PTGER4: variants seen among roughly 807,000 people sequenced by gnomAD.
PTGER4 encodes prostaglandin E2 receptor EP4 subtype.
A neutral mutation model predicts 33.2 loss-of-function variants in PTGER4; 11 were observed. The ratio of observed to expected loss-of-function variants is 0.33; its 90% confidence interval spans 0.21 to 0.55. PTGER4 has a LOEUF of 0.55. Among genes scored for constraint, PTGER4 ranks in the 20% least tolerant of loss-of-function variants. PTGER4 has a pLI of 0.92. For synonymous variants in PTGER4, 275 were observed against 281.5 expected (o/e 0.98, Z 0.23); for missense variants, 481 against 650.2 (o/e 0.74, Z 2.83).
In PTGER4 at chr5:40,681,521, C is replaced by T. The variant is rs1741187734; in HGVS notation, c.528C>T (p.Thr176=). Residue 176 remains threonine (T), a synonymous_variant, in exon 2 of 3, where the codon ACC becomes ACT. Coordinates refer to ENST00000302472, the MANE Select transcript of PTGER4 (RefSeq NM_000958.3). The surrounding 1 kb of genome is among the most constrained non-coding windows in gnomAD (Gnocchi z 9.8). ...CCTGGTGCTTCATCGACTGGACCACCAACGTGACGGCGCACGCCGCCTACT... is the reference window on the plus strand; with the variant it reads ...CCTGGTGCTTCATCGACTGGACCACTAACGTGACGGCGCACGCCGCCTACT... ...PDTWCFIDWT[T]NVTAHAAYSY... The T allele has an allele frequency of 6.2e-7, 1 of 1,613,076 alleles. No homozygotes were observed. The highest frequency in any genetic ancestry group is 8.5e-7 in the Non-Finnish European group (1 of 1,180,028).
the PTGER4 span, among the ~76,000 whole-genome samples, chr5:40,742,898 A>T: frequency 6.6e-6 from 1 of 152,208 alleles, no homozygotes; most frequent in African/African-American, 2.4e-5. Flanking sequence ...CTAGCTTATA[A>T]AAACGTTTTT....
chr5:40,681,721 C>A lies in PTGER4; in HGVS notation c.728C>A (p.Ala243Asp), dbSNP rs771321745. The change falls in exon 2 of 3, where the codon GCT (alanine) becomes GAT (aspartate). Residue 243 changes from alanine (A) to aspartate (D), a missense_variant. Transcript: ENST00000302472. The surrounding 1 kb of genome is among the most constrained non-coding windows in gnomAD (Gnocchi z 9.8). ...TCGGTTGCCTCCCGGGGCCACCCCG[C>A]TGCCTCCCCAGCCTTGCCGCGCCTC... ...AASVASRGHP[A>D]ASPALPRLSD... is the part of the protein sequence containing the mutation. The A allele has an allele frequency of 1.9e-6, 3 of 1,594,862 alleles. No individual in the cohort carries two copies. In the African/African-American group the frequency reaches 4.0e-5, roughly 21 times the overall value.
chr5:40,738,508 A>ACAATAC, the PTGER4 span, among the ~76,000 whole-genome samples: 8 of 137,042 alleles, frequency 5.8e-5, no homozygotes, highest in Admixed American at 8.6e-5. Flanking sequence ...ACAATACAAT[A>ACAATAC]AAATACAATA....
chr5:40,710,593 A>C, the PTGER4 span, among the ~76,000 whole-genome samples: 3 of 152,128 alleles, frequency 2.0e-5, no homozygotes, highest in Non-Finnish European at 2.9e-5. Context: ...AACCAAAGGA[A>C]TATAAATCAT....
At chr5:40,699,915 T>C in the PTGER4 span, among the ~76,000 whole-genome samples, 2 of 142,706 alleles carry the variant, frequency 1.4e-5, no homozygotes, top group South Asian at 4.7e-4. Flanking sequence ...TAAAGAATGT[T>C]TATTCTCACA....
At chr5:40,695,078 T>A (rs188974255), downstream of PTGER4, among the ~76,000 whole-genome samples, 40 of 143,052 alleles carry the variant, frequency 2.8e-4, no homozygotes, top group Admixed American at 2.3e-3. Context: ...ACCGATTAGA[T>A]CAAGTGTGTT....
the PTGER4 span, among the ~76,000 whole-genome samples, chr5:40,718,856 G>T: frequency 6.6e-6 from 1 of 151,986 alleles, no homozygotes; most frequent in African/African-American, 2.4e-5. Flanking sequence ...AGCCAAGATG[G>T]TACCACTGCA....
At chr5:40,709,907 C>A in the PTGER4 span, among the ~76,000 whole-genome samples, 2 of 151,662 alleles carry the variant, frequency 1.3e-5, no homozygotes, top group African/African-American at 4.9e-5. Context: ...CTTCCTTACA[C>A]CTTATACAAA....
At chr5:40,738,119 T>TA in the PTGER4 span, among the ~76,000 whole-genome samples, 1 of 152,104 alleles carries the variant, frequency 6.6e-6, no homozygotes, top group African/African-American at 2.4e-5. Context: ...TATTTAACTT[T>TA]ATGTGAAACA....
the PTGER4 span, among the ~76,000 whole-genome samples, chr5:40,701,067 A>G: frequency 6.6e-6 from 1 of 151,656 alleles, no homozygotes; most frequent in Non-Finnish European, 1.5e-5. Flanking sequence ...TTAAAGAAAC[A>G]TCCACGTGCA....
the PTGER4 span, chr5:40,730,125 G>A: frequency 1.6e-6 from 1 of 627,536 alleles, no homozygotes; most frequent in Non-Finnish European, 2.7e-6. Flanking sequence ...ATAAATAATG[G>A]TGAAATATTT....
chr5:40,705,636 A>G, the PTGER4 span, among the ~76,000 whole-genome samples: 2 of 152,176 alleles, frequency 1.3e-5, no homozygotes, highest in African/African-American at 4.8e-5. Context: ...CAAGAGAAAA[A>G]CAAACAACCC....
chr5:40,715,069 A>G, the PTGER4 span: 1 of 152,108 alleles, frequency 6.6e-6, no homozygotes, highest in African/African-American at 2.4e-5. Flanking sequence ...TGTACTATAA[A>G]TCACATTCCA....
At chr5:40,741,586 C>T in the PTGER4 span, among the ~76,000 whole-genome samples, 1 of 152,202 alleles carries the variant, frequency 6.6e-6, no homozygotes, top group Non-Finnish European at 1.5e-5. Flanking sequence ...CTAGCTGTGT[C>T]AGCCTCTCCA....
intron 2 of PTGER4, among the ~76,000 whole-genome samples, chr5:40,686,820 C>T (rs1741334792): frequency 6.6e-6 from 1 of 152,124 alleles, no homozygotes; most frequent in Non-Finnish European, 1.5e-5. Flanking sequence ...ATTGCTTGAG[C>T]CCAGGAGGTT....
Position 40,691,539 on chromosome 5 carries a change from C to T in PTGER4, c.868-240C>T, listed in dbSNP as rs1051342731. On this transcript the variant is annotated intron_variant, in intron 2 of 2. Coordinates refer to ENST00000302472, the MANE Select transcript of PTGER4 (RefSeq NM_000958.3). This position sits in a 1 kb window ranked among gnomAD's most constrained non-coding sequence, Gnocchi z 4.2. ...CCATGTTGGACAAGTTGGTCTCGGA[C>T]TCCTGACCTCAAGTGATCCTCCCAC... Among the ~76,000 whole-genome samples, 3 of 151,902 alleles carry T rather than the reference C, an allele frequency of 2.0e-5. No individual in the cohort carries two copies.
At chr5:40,741,390 C>T in the PTGER4 span, among the ~76,000 whole-genome samples, 3 of 152,190 alleles carry the variant, frequency 2.0e-5, no homozygotes, top group Non-Finnish European at 2.9e-5. Flanking sequence ...TTGAATAGCT[C>T]TCCGCTCTGT....
chr5:40,728,110 C>T, the PTGER4 span, among the ~76,000 whole-genome samples: 1 of 151,552 alleles, frequency 6.6e-6, no homozygotes, highest in Non-Finnish European at 1.5e-5. Context: ...GGTGACACCC[C>T]GTCTCTACTA....
At chr5:40,701,960 C>A in the PTGER4 span, among the ~76,000 whole-genome samples, 2 of 152,120 alleles carry the variant, frequency 1.3e-5, no homozygotes, top group Non-Finnish European at 2.9e-5. Context: ...GAAATAAGAT[C>A]CTTTTCAGAT....
Sources: gnomAD v4.1 joint callset for allele counts (sites outside exome capture counted in the v4.1 genomes callset) on GRCh38, gnomAD v4.1.1 for gene constraint, Gnocchi (gnomAD v3.1) non-coding constraint, MANE v1.5 for transcripts, NCBI Gene and HGNC (gene_info 2026-07-23, HGNC 2026-07-21) for gene names.